Variants in MZT2B observed in about 807,000 individuals in gnomAD.
MZT2B encodes mitotic-spindle organizing protein 2B.
Under a neutral mutation model 12.1 loss-of-function variants are expected in MZT2B, and 11 were observed. The observed-to-expected ratio is 0.91, with a 90% CI of 0.57 to 1.50. The LOEUF (loss-of-function observed/expected upper bound fraction) is 1.50, where lower values mean the gene tolerates loss of function less well. Ranked by LOEUF, MZT2B falls within the 40% of genes most tolerant of loss-of-function variation. MZT2B has a pLI of 0.00. For missense variants in MZT2B, 209 were observed against 227.7 expected (o/e 0.92, Z 0.53); for synonymous variants, 85 against 109.5 (o/e 0.78, Z 1.40).
the MZT2B span, among the ~76,000 whole-genome samples, chr2:130,201,150 A>T: frequency 2.0e-5 from 3 of 152,224 alleles, no homozygotes; most frequent in African/African-American, 7.2e-5. Flanking sequence ...ACCTCTGAAC[A>T]GTGCAATCAG....
chr2:130,182,521 G>T (rs958239867), intron 1 of MZT2B, 69 bp downstream of exon 1: 7 of 1,544,680 alleles, frequency 4.5e-6, no homozygotes, highest in Non-Finnish European at 6.1e-6. Context: ...GGGTACGCCC[G>T]GCCCGCTGGT....
downstream of MZT2B, chr2:130,190,749 T>C: frequency 7.1e-7 from 1 of 1,400,542 alleles, no homozygotes; most frequent in Non-Finnish European, 9.3e-7. Context: ...CCGTTTTTTT[T>C]TTTTGTTTTT....
the MZT2B span, among the ~76,000 whole-genome samples, chr2:130,195,991 T>C: frequency 6.6e-6 from 1 of 152,248 alleles, no homozygotes; most frequent in Non-Finnish European, 1.5e-5. Context: ...ACAGACACTT[T>C]CATCACAAAC....
At chr2:130,196,531 C>G in the MZT2B span, among the ~76,000 whole-genome samples, 1 of 152,202 alleles carries the variant, frequency 6.6e-6, no homozygotes, top group African/African-American at 2.4e-5. Flanking sequence ...CCCTTTATCG[C>G]TGTGAAAACT....
intron 2 of MZT2B, chr2:130,183,511 C>G (rs541473636): frequency 1.8e-6 from 1 of 570,374 alleles, no homozygotes; most frequent in East Asian, 3.1e-5. Context: ...TCATCCTCTC[C>G]GCATGTTGCT....
chr2:130,182,529 G>A lies in MZT2B; in HGVS notation c.170+77G>A, dbSNP rs373183158. ...GCTTTCCGGGTACGCCCGGCCCGCTGGTCGGGAGGAGCCCCCGCCCCCGTC... is the reference window on the plus strand; with the variant it reads ...GCTTTCCGGGTACGCCCGGCCCGCTAGTCGGGAGGAGCCCCCGCCCCCGTC... On this transcript the variant is annotated intron_variant, in intron 1 of 2. Transcript: ENST00000281871. 237 of 1,549,084 alleles carry A rather than the reference G, an allele frequency of 1.5e-4. 4 individuals are homozygous for A. The East Asian group carries it at 4.7e-3, about 31-fold the overall frequency.
At chr2:130,192,507 C>G (rs1423154842), downstream of MZT2B, among the ~76,000 whole-genome samples, 1 of 152,238 alleles carries the variant, frequency 6.6e-6, no homozygotes, top group African/African-American at 2.4e-5. Flanking sequence ...GAGTACACAA[C>G]TCTTGCCCAT....
chr2:130,190,824 C>T, downstream of MZT2B: 1 of 1,215,854 alleles, frequency 8.2e-7, no homozygotes, highest in Non-Finnish European at 1.1e-6. Flanking sequence ...CCACAGTGAA[C>T]TAACCAGGTC....
In MZT2B at chr2:130,182,419, C is replaced by T; in HGVS notation, c.137C>T (p.Ala46Val). ...ATGGAGCTGTACGAGCTGGCGCAGG[C>T]GGCGGGCGGCGCTATCGACCCCGAC... Reference protein sequence around the residue: ...EEMELYELAQAAGGAIDPDVF... With the variant: ...EEMELYELAQVAGGAIDPDVF... Residue 46 changes from alanine (A) to valine (V), a missense_variant, in exon 1 of 3, where the codon GCG becomes GTG. By Grantham distance (64) the Ala-to-Val change is moderately conservative. Coordinates refer to ENST00000281871, the MANE Select transcript of MZT2B (RefSeq NM_025029.5). 1 of 1,563,132 alleles carries T rather than the reference C, an allele frequency of 6.4e-7. No individual in the cohort carries two copies. The highest frequency in any genetic ancestry group is 8.6e-7 in the Non-Finnish European group (1 of 1,157,054).
the MZT2B span, chr2:130,198,426 C>T: frequency 6.1e-5 from 82 of 1,350,256 alleles, 19 homozygotes; most frequent in South Asian, 4.0e-4. Context: ...AGCTGCTGAG[C>T]GCCCAACTGC....
intron 2 of MZT2B, chr2:130,183,514 A>G (rs559505255): frequency 1.1e-4 from 61 of 577,024 alleles, no homozygotes; most frequent in South Asian, 6.8e-4. Context: ...TCCTCTCCGC[A>G]TGTTGCTTCT....
chr2:130,199,925 G>T, the MZT2B span, among the ~76,000 whole-genome samples: 1 of 151,892 alleles, frequency 6.6e-6, no homozygotes. Context: ...ATGAAACCCT[G>T]TTTCTACTAA....
chr2:130,187,535 G>A (rs1040986302), intron 2 of MZT2B, among the ~76,000 whole-genome samples: 2 of 152,156 alleles, frequency 1.3e-5, no homozygotes, highest in Non-Finnish European at 2.9e-5. Context: ...TATCTTTGGC[G>A]TTTAGGAGGG....
chr2:130,200,653 T>C, the MZT2B span, among the ~76,000 whole-genome samples: 1 of 152,216 alleles, frequency 6.6e-6, no homozygotes. Context: ...AGTGGGTTTA[T>C]GGCCAACAGG....
intron 1 of MZT2B, 48 bp downstream of exon 1, chr2:130,182,500 C>T (rs1689765748): frequency 1.9e-6 from 3 of 1,541,010 alleles, no homozygotes. Flanking sequence ...ACCCCCCGAC[C>T]TCTGCTTTCC....
At chr2:130,181,868 C>A (rs543116378), upstream of MZT2B, 1 of 1,530,024 alleles carries the variant, frequency 6.5e-7, no homozygotes, top group Admixed American at 2.0e-5. Flanking sequence ...CCCCTTCCCC[C>A]CGCCCGCCCC....
At chr2:130,196,480 G>A in the MZT2B span, 185 of 1,445,274 alleles carry the variant, frequency 1.3e-4, no homozygotes, top group Non-Finnish European at 1.6e-4. Flanking sequence ...AGTATCTGGC[G>A]CTTTCACAAT....
chr2:130,183,702 C>G, intron 2 of MZT2B: 1 of 1,550,086 alleles, frequency 6.5e-7, no homozygotes, highest in Non-Finnish European at 8.7e-7. Flanking sequence ...ACCCGCTGAC[C>G]CAAGAGGGCC....
At chr2:130,190,781 T>TA, downstream of MZT2B, 1 of 1,383,808 alleles carries the variant, frequency 7.2e-7, no homozygotes, top group South Asian at 1.8e-5. Flanking sequence ...AAGGCACACT[T>TA]AGAATGAAGT....
Sources: gnomAD v4.1 joint callset for allele counts (sites outside exome capture counted in the v4.1 genomes callset) on GRCh38, gnomAD v4.1.1 for gene constraint, MANE v1.5 for transcripts, NCBI Gene and HGNC (gene_info 2026-07-23, HGNC 2026-07-21) for gene names.